ATP2C1: variants seen among roughly 807,000 people sequenced by gnomAD.
ATP2C1 encodes ATPase secretory pathway Ca2+ transporting 1, also known as calcium-transporting ATPase type 2C member 1.
Under a neutral mutation model 120.5 loss-of-function variants are expected in ATP2C1, and 31 were observed. The observed-to-expected ratio is 0.26, with a 90% confidence interval of 0.19 to 0.35. The LOEUF is 0.35. Among genes scored for constraint, ATP2C1 ranks in the 10% least tolerant of loss-of-function variants. The probability of loss-of-function intolerance (pLI) is 1.00; values close to 1 mark genes in which losing one functional copy is unlikely to be tolerated. For synonymous variants in ATP2C1, 351 were observed against 358.7 expected (o/e 0.98, Z 0.24); for missense variants, 731 against 1,107.5 (o/e 0.66, Z 4.83).
chr3:130,861,815 A>G (rs527350548), intron 1 of ATP2C1, among the ~76,000 whole-genome samples: 1 of 152,336 alleles, frequency 6.6e-6, no homozygotes, highest in Non-Finnish European at 1.5e-5. Flanking sequence ...AATCTGAGTG[A>G]CAAATACCAT....
In ATP2C1 at chr3:130,887,035, G is replaced by A. The variant is rs527804121; in HGVS notation, c.108+36107G>A. Among the ~76,000 whole-genome samples, 9 of 152,322 alleles carry A rather than the reference G, an allele frequency of 5.9e-5. No individual in the cohort carries two copies. The South Asian group carries it at 8.3e-4, about 14-fold the overall frequency. On this transcript the variant is annotated intron_variant, in intron 1 of 26. Coordinates refer to the ATP2C1 transcript ENST00000504381. ...GTATTGTGGTCTAAGCCATAGCTGC[G>A]TGAGGGGGCACCTCAAGCCTAGTAA... is the stretch of plus-strand genomic sequence containing the variant.
chr3:130,974,266 A>G lies in ATP2C1; in HGVS notation c.1414-1066A>G, dbSNP rs143685286. On this transcript the variant is annotated intron_variant, in intron 17 of 27. Coordinates refer to ENST00000510168, the MANE Select transcript of ATP2C1 (RefSeq NM_001378687.1). ...TATCCTATTTGAGCTATCAATCAGG[A>G]TAGGCCATGAAAACAACATCATGCT... Among the ~76,000 whole-genome samples, 174 of 152,380 alleles carry G rather than the reference A, an allele frequency of 1.1e-3. 1 individual carries two copies. Among genetic ancestry groups the G allele is most frequent in the Non-Finnish European group, 1.7e-3 (117 of 68,044 alleles).
At chr3:130,892,709 C>T (rs1470567234), upstream of ATP2C1, among the ~76,000 whole-genome samples, 1 of 148,648 alleles carries the variant, frequency 6.7e-6, no homozygotes, top group Non-Finnish European at 1.5e-5. Flanking sequence ...ATAGTTAACT[C>T]GTTAAGACTA....
downstream of ATP2C1, among the ~76,000 whole-genome samples, chr3:131,004,277 G>C (rs190179635): frequency 6.6e-6 from 1 of 152,330 alleles, no homozygotes; most frequent in East Asian, 1.9e-4. Flanking sequence ...CAGCTGATTT[G>C]CATACTAAAA....
chr3:130,931,774 C>T (rs1025380182), intron 3 of ATP2C1, among the ~76,000 whole-genome samples: 1 of 152,036 alleles, frequency 6.6e-6, no homozygotes, highest in African/African-American at 2.4e-5. Context: ...AATGTAATCA[C>T]CACCACCATT....
At chr3:130,853,448 G>A (rs2067739888) in intron 1 of ATP2C1, among the ~76,000 whole-genome samples, 2 of 152,192 alleles carry the variant, frequency 1.3e-5, no homozygotes, top group Non-Finnish European at 2.9e-5. Flanking sequence ...ACTTAGCGCT[G>A]CTAAGTACCA....
intron 26 of ATP2C1, among the ~76,000 whole-genome samples, chr3:130,998,937 TA>T (rs2062760431): frequency 6.6e-6 from 1 of 152,182 alleles, no homozygotes. Flanking sequence ...TTTTAGAGCA[TA>T]TTGTCCTTAA....
chr3:130,908,697 C>A (rs545206545), intron 2 of ATP2C1, among the ~76,000 whole-genome samples: 1 of 135,678 alleles, frequency 7.4e-6, no homozygotes, highest in South Asian at 2.1e-4. Flanking sequence ...TAATACTACT[C>A]TTTAGGAATA....
intron 2 of ATP2C1, among the ~76,000 whole-genome samples, chr3:130,900,567 C>A (rs1033521489): frequency 6.6e-6 from 1 of 152,104 alleles, no homozygotes; most frequent in Non-Finnish European, 1.5e-5. Flanking sequence ...TGTCACTCAT[C>A]AGACTTTTTT....
In ATP2C1 at chr3:131,001,373, G is replaced by A. The variant is rs1207095061; in HGVS notation, c.*23G>A. ...TGATGCATATTGCATTATTTTATTT[G>A]CAAACTAGGAATTGCAGTCTGAGGA... On this transcript the variant is annotated 3_prime_UTR_variant, in exon 28 of 28. Transcript: ENST00000510168. The A allele has an allele frequency of 1.9e-6, 3 of 1,609,400 alleles. No homozygotes were observed. Among genetic ancestry groups the A allele is most frequent in the African/African-American group, 1.3e-5 (1 of 74,764 alleles).
At chr3:130,886,926 G>C (rs2068988371) in intron 1 of ATP2C1, among the ~76,000 whole-genome samples, 1 of 152,150 alleles carries the variant, frequency 6.6e-6, no homozygotes, top group Non-Finnish European at 1.5e-5. Context: ...TGAAATGTTA[G>C]GTATTTATTG....
At chr3:130,892,053 T>A (rs898272725), upstream of ATP2C1, among the ~76,000 whole-genome samples, 1 of 152,212 alleles carries the variant, frequency 6.6e-6, no homozygotes, top group African/African-American at 2.4e-5. Context: ...AAGTAAAATT[T>A]CAGTTTAAGT....
chr3:131,004,488 T>C (rs955715161), downstream of ATP2C1, among the ~76,000 whole-genome samples: 1 of 152,242 alleles, frequency 6.6e-6, no homozygotes, highest in South Asian at 2.1e-4. Flanking sequence ...GTAGATACAA[T>C]TGTCCATAAA....
chr3:130,885,368 T>A (rs2068939230), intron 1 of ATP2C1, among the ~76,000 whole-genome samples: 1 of 152,196 alleles, frequency 6.6e-6, no homozygotes, highest in African/African-American at 2.4e-5. Context: ...AGACTTTCTC[T>A]TACTATTTTG....
chr3:130,879,533 A>G (rs950153135), intron 1 of ATP2C1, among the ~76,000 whole-genome samples: 3 of 152,156 alleles, frequency 2.0e-5, no homozygotes, highest in Non-Finnish European at 2.9e-5. Context: ...CAAGCATTTC[A>G]TGCATTTCCT....
intron 20 of ATP2C1, among the ~76,000 whole-genome samples, chr3:130,985,777 G>A (rs1049603758): frequency 6.6e-6 from 1 of 152,112 alleles, no homozygotes. Flanking sequence ...ATAAAAGCTG[G>A]CTGACTTTCA....
chr3:130,985,453 C>G (rs2061957761), intron 20 of ATP2C1, among the ~76,000 whole-genome samples: 1 of 151,690 alleles, frequency 6.6e-6, no homozygotes, highest in African/African-American at 2.4e-5. Flanking sequence ...GCCAACATGG[C>G]GAAACCCCAT....
chr3:130,959,487 A>G (rs1206443244), intron 12 of ATP2C1, 146 bp downstream of exon 12: 6 of 539,740 alleles, frequency 1.1e-5, no homozygotes, highest in African/African-American at 1.9e-5. Flanking sequence ...GAAGTCATAT[A>G]TTAAAATTAT....
In ATP2C1 at chr3:130,918,272, C is replaced by T. The variant is rs1476720003; in HGVS notation, c.7-12144C>T. ...TTGGCCATAGCCAAATCCCTTGGGC[C>T]CAAAGTTCTTTGCATAGCACCCTTT... On this transcript the variant is annotated intron_variant, in intron 2 of 27. Coordinates refer to ENST00000510168, the MANE Select transcript of ATP2C1 (RefSeq NM_001378687.1). 3.9e-6 allele frequency: 6 copies of T among 1,545,312 alleles called. No individual in the cohort carries two copies. In the East Asian group the frequency reaches 9.0e-5, roughly 23 times the overall value.
Sources: allele counts gnomAD v4.1 joint callset (sites outside exome capture counted in the v4.1 genomes callset), GRCh38; gene constraint gnomAD v4.1.1; transcripts MANE v1.5; gene names NCBI Gene and HGNC (gene_info 2026-07-23, HGNC 2026-07-21).